The following TUBA4B variants were observed in gnomAD, a reference collection of about 807,000 sequenced individuals.
TUBA4B encodes tubulin-like protein alpha-4B.
TUBA4B carries 13 observed loss-of-function variants against 18.4 expected under a neutral mutation model. The ratio of observed to expected loss-of-function variants is 0.71; its 90% CI spans 0.46 to 1.12. TUBA4B has a LOEUF of 1.12. Ranked by LOEUF, TUBA4B falls within the 50% of genes most tolerant of loss-of-function variation. The pLI, the probability that TUBA4B is intolerant of heterozygous loss-of-function variation, is 0.00. For missense variants in TUBA4B, 244 were observed against 250.0 expected, an observed-to-expected ratio of 0.98 and a Z score of 0.16; for synonymous variants, 101 against 99.1, an observed-to-expected ratio of 1.02 and a Z score of -0.11.
chr2:219,264,729 T>C (rs1364193787), intron 1 of TUBA4B, among the ~76,000 whole-genome samples: 5 of 152,166 alleles, frequency 3.3e-5, no homozygotes, highest in South Asian at 2.1e-4. Context: ...CTACTCAGAA[T>C]GGCGTGCAGT....
At chr2:219,265,672 A>G (rs540563278) in intron 1 of TUBA4B, among the ~76,000 whole-genome samples, 3 of 152,316 alleles carry the variant, frequency 2.0e-5, no homozygotes, top group African/African-American at 7.2e-5. Context: ...AGCAGGATAC[A>G]AATGCTAGAG....
chr2:219,263,386 G>T (rs112377203), intron 1 of TUBA4B, among the ~76,000 whole-genome samples: 2 of 152,118 alleles, frequency 1.3e-5, no homozygotes, highest in African/African-American at 2.4e-5. Context: ...CTAGGTACTC[G>T]GGAGGCTGAG....
At chr2:219,254,025 G>A (rs1195320796) in intron 1 of TUBA4B, 1 of 641,000 alleles carries the variant, frequency 1.6e-6, no homozygotes, top group African/African-American at 1.9e-5. Context: ...CCTCCCGGGA[G>A]GGTAAGCGGC....
chr2:219,272,185 C>A lies in TUBA4B; in HGVS notation c.*486C>A. 1.9e-6 allele frequency: 1 copy of A among 514,610 alleles called. No individual in the cohort carries two copies. 31.9% of individuals were successfully genotyped at this position (514,610 alleles called of 1,614,324 possible). A position where few individuals can be genotyped will look rare whatever the true frequency, so the allele number is the denominator to read the frequency against. ...GTCTGTCCTACATAAAGTGCTGTGG[C>A]CTTATTGTCTCACGAATGTCTTTTT... is the stretch of plus-strand genomic sequence containing the variant. On this transcript the variant is annotated 3_prime_UTR_variant, in exon 4 of 4. Coordinates refer to ENST00000490341, the MANE Select transcript of TUBA4B (RefSeq NM_001355221.1).
At position 219,271,400 on chromosome 2, in the gene TUBA4B, G is replaced by A. The variant is rs756744710; in HGVS notation, c.427G>A (p.Val143Met). 1.2e-6 allele frequency: 2 copies of A among 1,614,162 alleles called. No individual in the cohort carries two copies. The highest frequency in any genetic ancestry group is 1.7e-6 in the Non-Finnish European group (2 of 1,180,034). Residue 143 changes from valine to methionine, a missense_variant, in exon 4 of 4, where the codon GTG becomes ATG. Val to Met is a conservative substitution (Grantham distance 21). Transcript: ENST00000490341. ...GGAGCACTCAGACTGTGCCTTCATG[G>A]TGGACAACAAAGCAATCTATGACAT... ...TLEHSDCAFM[V>M]DNKAIYDICH...
Position 219,271,449 on chromosome 2 carries a change from A to C in TUBA4B, c.476A>C (p.Glu159Ala), listed in dbSNP as rs1450305029. The change falls in exon 4 of 4, where the codon GAG (glutamate) becomes GCG (alanine). Residue 159 changes from glutamate to alanine, a missense_variant. Transcript: ENST00000490341. ...YDICHCNLDI[E>A]RPTYTNLNRL... ...ATCTGCCACTGCAACCTAGACATCG[A>C]GCGCCCAACCTACACCAACCTCAAT... The C allele has an allele frequency of 6.8e-6, 11 of 1,613,954 alleles. No homozygotes were observed. The highest frequency in any genetic ancestry group is 8.5e-6 in the Non-Finnish European group (10 of 1,180,008).
chr2:219,253,451 A>G (rs1257947045), intron 1 of TUBA4B, 32 bp downstream of exon 1: 3 of 1,469,624 alleles, frequency 2.0e-6, no homozygotes. Flanking sequence ...TCTAGCGCCA[A>G]GCACGTGCTC....
intron 1 of TUBA4B, among the ~76,000 whole-genome samples, chr2:219,256,814 C>G (rs1197535470): frequency 6.6e-6 from 1 of 151,830 alleles, no homozygotes; most frequent in Non-Finnish European, 1.5e-5. Context: ...ATAGTGAGAC[C>G]CTGTCTCTAC....
intron 3 of TUBA4B, 127 bp downstream of exon 3, chr2:219,270,462 T>C: frequency 1.6e-6 from 1 of 639,084 alleles, no homozygotes. Flanking sequence ...TCAGGACCAA[T>C]GAGGAGAGGC....
At chr2:219,258,081 C>T (rs1456725590) in intron 1 of TUBA4B, among the ~76,000 whole-genome samples, 1 of 150,196 alleles carries the variant, frequency 6.7e-6, no homozygotes, top group African/African-American at 2.5e-5. Context: ...GCAACCTCCA[C>T]CTACCAGGTT....
chr2:219,261,022 C>CCT (rs142648658), intron 1 of TUBA4B, among the ~76,000 whole-genome samples: 196 of 148,820 alleles, frequency 1.3e-3, no homozygotes, highest in African/African-American at 3.7e-3. Flanking sequence ...GGATCACTTT[C>CCT]CTCTCTCTCT....
intron 1 of TUBA4B, chr2:219,254,431 G>A (rs895246864): frequency 3.3e-5 from 5 of 152,500 alleles, no homozygotes; most frequent in African/African-American, 1.2e-4. Flanking sequence ...CGGCCGGGGC[G>A]GCAGCCTTTC....
intron 1 of TUBA4B, among the ~76,000 whole-genome samples, chr2:219,264,458 T>TG (rs1951777825): frequency 8.4e-6 from 1 of 119,620 alleles, no homozygotes; most frequent in Non-Finnish European, 1.6e-5. Context: ...AGGCCCTGTC[T>TG]CAAAAAAAAA....
At chr2:219,261,549 G>A (rs1206090746) in intron 1 of TUBA4B, among the ~76,000 whole-genome samples, 1 of 152,198 alleles carries the variant, frequency 6.6e-6, no homozygotes, top group African/African-American at 2.4e-5. Context: ...GACCTTGCTA[G>A]TGAAGAATTG....
chr2:219,270,091 A>C (rs1951816205), intron 2 of TUBA4B, 111 bp from the exon 3 acceptor site: 1 of 637,816 alleles, frequency 1.6e-6, no homozygotes, highest in Non-Finnish European at 2.8e-6. Flanking sequence ...TGAATGCAGA[A>C]CCTGGGACCC....
chr2:219,270,145 G>A (rs932614377), intron 2 of TUBA4B, 57 bp from the exon 3 acceptor site: 2 of 690,368 alleles, frequency 2.9e-6, no homozygotes, highest in Admixed American at 4.0e-5. Context: ...CCAGCAGCTG[G>A]ATTGCAAAGG....
Position 219,258,183 on chromosome 2 carries a change from AT to A in TUBA4B, c.12+4767del, listed in dbSNP as rs544253542. Among the ~76,000 whole-genome samples the A allele has an allele frequency of 8.7e-3, 1,317 of 150,806 alleles. 14 individuals are homozygous for A. The highest frequency in any genetic ancestry group is 0.03 in the African/African-American group (1,238 of 41,042). ...TTTTTGTAGTTTTAGTAGAGATAGG[AT>A]TTCACCATGTTGGACAGGCTGGTCT... On this transcript the variant is annotated intron_variant, in intron 1 of 3. Transcript: ENST00000490341.
At chr2:219,265,326 C>A (rs990533305) in intron 1 of TUBA4B, among the ~76,000 whole-genome samples, 2 of 152,102 alleles carry the variant, frequency 1.3e-5, no homozygotes, top group African/African-American at 4.8e-5. Flanking sequence ...AAAGGAGGTA[C>A]GGAGAGAAGG....
intron 1 of TUBA4B, among the ~76,000 whole-genome samples, chr2:219,256,558 C>T (rs1396099322): frequency 6.6e-6 from 1 of 152,178 alleles, no homozygotes; most frequent in Non-Finnish European, 1.5e-5. Context: ...TGTTACCTTA[C>T]ATGGCAAAAT....
Sources: allele counts gnomAD v4.1 joint callset (sites outside exome capture counted in the v4.1 genomes callset), GRCh38; gene constraint gnomAD v4.1.1; transcripts MANE v1.5; gene names NCBI Gene and HGNC (gene_info 2026-07-23, HGNC 2026-07-21).